The following L3MBTL4 variants were observed in gnomAD, a reference collection of about 807,000 sequenced individuals.
The protein encoded by L3MBTL4 is L3MBTL histone methyl-lysine binding protein 4.
L3MBTL4 carries 70 observed loss-of-function variants against 84.5 expected under a neutral mutation model. That is an observed-to-expected ratio of 0.83 (90% confidence interval 0.68 to 1.01). The LOEUF (loss-of-function observed/expected upper bound fraction) is 1.01. L3MBTL4 is among the 50% of genes least tolerant of loss of function. The probability of loss-of-function intolerance (pLI) is 0.00; values close to 1 mark genes in which losing one functional copy is unlikely to be tolerated. For synonymous variants in L3MBTL4, 274 were observed against 259.8 expected, an observed-to-expected ratio of 1.05 and a Z score of -0.52; for missense variants, 715 against 754.8, an observed-to-expected ratio of 0.95 and a Z score of 0.62.
intron 16 of L3MBTL4, among the ~76,000 whole-genome samples, chr18:6,051,192 G>T (rs1408480921): frequency 1.3e-5 from 2 of 152,300 alleles, no homozygotes; most frequent in African/African-American, 2.4e-5. Context: ...CGACTCTGGG[G>T]CAATGAGATG....
intron 13 of L3MBTL4, among the ~76,000 whole-genome samples, chr18:6,170,398 G>C (rs1029862280): frequency 1.2e-4 from 19 of 152,184 alleles, no homozygotes; most frequent in African/African-American, 4.3e-4. Flanking sequence ...GTATAATTAA[G>C]AAAGAACCAG....
chr18:6,049,136 A>C (rs1034077959), intron 16 of L3MBTL4, among the ~76,000 whole-genome samples: 1 of 152,180 alleles, frequency 6.6e-6, no homozygotes, highest in Non-Finnish European at 1.5e-5. Context: ...AAAAGAAAAA[A>C]AAAGGCAAAA....
At chr18:6,312,893 C>T (rs1568475570) in intron 1 of L3MBTL4, among the ~76,000 whole-genome samples, 1 of 152,174 alleles carries the variant, frequency 6.6e-6, no homozygotes, top group African/African-American at 2.4e-5. Context: ...CTTCTCCACT[C>T]CATACTTCTG....
chr18:6,303,616 C>T (rs2050440154), intron 3 of L3MBTL4, among the ~76,000 whole-genome samples: 3 of 152,212 alleles, frequency 2.0e-5, no homozygotes, highest in South Asian at 4.1e-4. Context: ...GCTAGTGTGG[C>T]TGTCAGTCCC....
Position 6,231,658 on chromosome 18 carries a change from A to C in L3MBTL4, c.784+6306T>G, listed in dbSNP as rs547053323. On this transcript the variant is annotated intron_variant, in intron 10 of 18. Coordinates refer to ENST00000317931, the MANE Select transcript of L3MBTL4 (RefSeq NM_001330559.2). ...ATTCCTAAGTATTTTATTATTTCTG[A>C]TGCTACTGCAAATTGAGGTGTTTTC... Among the ~76,000 whole-genome samples the C allele has an allele frequency of 1.8e-3, 269 of 152,016 alleles. 1 individual carries two copies. Among genetic ancestry groups the C allele is most frequent in the Non-Finnish European group, 2.7e-3 (182 of 67,944 alleles).
rs2056091711 is a variant in L3MBTL4, at chr18:6,414,175, C to G, written c.-91+626G>C. 1 of 152,298 alleles carries G rather than the reference C, an allele frequency of 6.6e-6. No individual in the cohort carries two copies. The highest frequency in any genetic ancestry group is 1.5e-5 in the Non-Finnish European group (1 of 68,134). 9.4% of individuals were successfully genotyped at this position (152,298 alleles called of 1,614,324 possible). On this transcript the variant is annotated intron_variant, in intron 1 of 18. Coordinates refer to ENST00000317931, the MANE Select transcript of L3MBTL4 (RefSeq NM_001330559.2). The surrounding 1 kb of genome is among the most constrained non-coding windows in gnomAD (Gnocchi z 5.4). ...CGCCGTCCCAGGCTGGCCAGGCGCC[C>G]GCCCGCCCTGCGCGCACTCCCTGGG...
At chr18:5,965,114 C>T (rs1412134432) in intron 17 of L3MBTL4, among the ~76,000 whole-genome samples, 1 of 152,170 alleles carries the variant, frequency 6.6e-6, no homozygotes, top group Non-Finnish European at 1.5e-5. Context: ...TTTAACAAAG[C>T]AACAATCCTT....
intron 12 of L3MBTL4, among the ~76,000 whole-genome samples, chr18:6,203,516 G>T (rs562881700): frequency 4.1e-4 from 62 of 152,280 alleles, no homozygotes; most frequent in African/African-American, 1.4e-3. Context: ...GGGAGAGCCT[G>T]ATGTCTGCTG....
intron 16 of L3MBTL4, among the ~76,000 whole-genome samples, chr18:5,998,705 T>C (rs2054089079): frequency 6.6e-6 from 1 of 152,142 alleles, no homozygotes; most frequent in East Asian, 1.9e-4. Context: ...AATCAGTCAT[T>C]TTCCAGGACA....
intron 13 of L3MBTL4, among the ~76,000 whole-genome samples, chr18:6,169,311 C>T (rs1175467110): frequency 6.6e-6 from 1 of 152,172 alleles, no homozygotes; most frequent in African/African-American, 2.4e-5. Context: ...CCATTTGACC[C>T]AGCCATCCCA....
Position 6,024,408 on chromosome 18 carries a change from T to C in L3MBTL4, c.1445-54846A>G, listed in dbSNP as rs567054085. On this transcript the variant is annotated intron_variant, in intron 16 of 18. Transcript: ENST00000317931. Reference sequence around the variant, plus strand: ...CCATCTTTTGCAGCTATCTTTGTACTACAATACAAATACAACATTTACACT... The same window carrying C: ...CCATCTTTTGCAGCTATCTTTGTACCACAATACAAATACAACATTTACACT... 9.2e-5 allele frequency among the ~76,000 whole-genome samples: 14 copies of C among 152,364 alleles called. No homozygotes were observed. In the South Asian group the frequency reaches 2.5e-3, roughly 27 times the overall value.
rs148786135 is a variant in L3MBTL4 at position 6,016,388 on chromosome 18, G to A, written c.1445-46826C>T. On this transcript the variant is annotated intron_variant, in intron 16 of 18. Coordinates refer to ENST00000317931, the MANE Select transcript of L3MBTL4 (RefSeq NM_001330559.2). Reference sequence around the variant, plus strand: ...GTGTAATCTTACCTGTGTGATTATGGCTTTAATTTCTCTGAAAGCAATCTG... The same window carrying A: ...GTGTAATCTTACCTGTGTGATTATGACTTTAATTTCTCTGAAAGCAATCTG... Among the ~76,000 whole-genome samples, 170 of 152,288 alleles carry A rather than the reference G, an allele frequency of 1.1e-3. 1 individual carries two copies. Among genetic ancestry groups the A allele is most frequent in the Admixed American group, 9.6e-3 (147 of 15,298 alleles).
At chr18:6,268,626 T>C (rs1377746860) in intron 4 of L3MBTL4, among the ~76,000 whole-genome samples, 1 of 152,230 alleles carries the variant, frequency 6.6e-6, no homozygotes, top group African/African-American at 2.4e-5. Context: ...TTTTATGGAA[T>C]ATTAGATATT....
intron 13 of L3MBTL4, among the ~76,000 whole-genome samples, chr18:6,163,202 A>G (rs929156636): frequency 2.0e-5 from 3 of 148,088 alleles, no homozygotes; most frequent in Non-Finnish European, 4.5e-5. Context: ...AAATAAAAAA[A>G]TAAGTAACAG....
chr18:6,226,580 C>T (rs940466129), intron 10 of L3MBTL4, among the ~76,000 whole-genome samples: 9 of 151,768 alleles, frequency 5.9e-5, no homozygotes, highest in African/African-American at 2.2e-4. Context: ...GAACTAAAGA[C>T]AACAAGAGGA....
intron 7 of L3MBTL4, among the ~76,000 whole-genome samples, chr18:6,242,745 C>A (rs1464757166): frequency 6.6e-6 from 1 of 152,262 alleles, no homozygotes; most frequent in African/African-American, 2.4e-5. Context: ...CACATCCCCA[C>A]CTCACTTGCA....
intron 5 of L3MBTL4, among the ~76,000 whole-genome samples, chr18:6,258,217 T>C (rs1312649415): frequency 6.6e-6 from 1 of 152,140 alleles, no homozygotes; most frequent in Non-Finnish European, 1.5e-5. Context: ...CCTGCCAGCA[T>C]AGACCTGCTT....
intron 1 of L3MBTL4, among the ~76,000 whole-genome samples, chr18:6,410,145 C>T (rs1373714559): frequency 6.6e-6 from 1 of 152,214 alleles, no homozygotes; most frequent in Non-Finnish European, 1.5e-5. Flanking sequence ...CCCACCCAGG[C>T]CCTGCCCTCC....
intron 12 of L3MBTL4, among the ~76,000 whole-genome samples, chr18:6,177,801 T>C (rs2044290116): frequency 6.6e-6 from 1 of 152,180 alleles, no homozygotes. Context: ...GTGTTCCTTT[T>C]TGGAATGATG....
Sources: allele counts gnomAD v4.1 joint callset (sites outside exome capture counted in the v4.1 genomes callset), GRCh38; gene constraint gnomAD v4.1.1; non-coding constraint Gnocchi (gnomAD v3.1); transcripts MANE v1.5; gene names NCBI Gene and HGNC (gene_info 2026-07-23, HGNC 2026-07-21).